The following FHIT variants were observed in gnomAD, a reference collection of about 807,000 sequenced individuals.
FHIT encodes the protein bis(5'-adenosyl)-triphosphatase.
Under a neutral mutation model 17.9 loss-of-function variants are expected in FHIT, and 19 were observed. The observed-to-expected ratio is 1.06, with a 90% CI of 0.74 to 1.56. FHIT has a LOEUF of 1.56. Ranked by LOEUF, FHIT falls within the 40% of genes most tolerant of loss-of-function variation. The probability of loss-of-function intolerance (pLI) is 0.00; values close to 1 mark genes in which losing one functional copy is unlikely to be tolerated. For missense variants in FHIT, 248 were observed against 189.2 expected (o/e 1.31, Z -1.82); for synonymous variants, 81 against 69.7 (o/e 1.16, Z -0.81).
At chr3:60,585,818 T>C (rs571579096) in intron 4 of FHIT, among the ~76,000 whole-genome samples, 1 of 152,104 alleles carries the variant, frequency 6.6e-6, no homozygotes, top group South Asian at 2.1e-4. Flanking sequence ...GAAACACTAT[T>C]ATAGGCATTA....
At chr3:60,598,491 A>C (rs2038341341) in intron 4 of FHIT, among the ~76,000 whole-genome samples, 1 of 152,168 alleles carries the variant, frequency 6.6e-6, no homozygotes, top group Non-Finnish European at 1.5e-5. Context: ...AGATAATTCC[A>C]CTGGGCAACA....
At chr3:60,363,755 C>CCCCCCTGG in intron 5 of FHIT, among the ~76,000 whole-genome samples, 1 of 152,100 alleles carries the variant, frequency 6.6e-6, no homozygotes, top group Non-Finnish European at 1.5e-5. Flanking sequence ...GCTTCCCTGG[C>CCCCCCTGG]CCCCCTGGCC....
intron 3 of FHIT, among the ~76,000 whole-genome samples, chr3:60,899,551 G>T (rs1705996904): frequency 6.6e-6 from 1 of 152,168 alleles, no homozygotes. Flanking sequence ...GGTAAAGGCT[G>T]CTCAGCAAAT....
intron 7 of FHIT, among the ~76,000 whole-genome samples, chr3:59,994,233 T>G (rs1355282334): frequency 6.6e-6 from 1 of 152,066 alleles, no homozygotes; most frequent in Non-Finnish European, 1.5e-5. Context: ...CTGCAAAATA[T>G]TAAGCCACTG....
intron 7 of FHIT, among the ~76,000 whole-genome samples, chr3:59,961,372 G>C (rs1466416334): frequency 6.6e-6 from 1 of 151,934 alleles, no homozygotes; most frequent in African/African-American, 2.4e-5. Flanking sequence ...ACTAACACCT[G>C]GTTCCATAAG....
intron 5 of FHIT, among the ~76,000 whole-genome samples, chr3:60,286,172 T>C (rs997262978): frequency 1.3e-5 from 2 of 152,190 alleles, no homozygotes; most frequent in Non-Finnish European, 2.9e-5. Context: ...CACCTCCTGA[T>C]AGTGTATGAC....
At chr3:60,735,491 T>G (rs914067298) in intron 4 of FHIT, among the ~76,000 whole-genome samples, 1 of 152,192 alleles carries the variant, frequency 6.6e-6, no homozygotes. Context: ...ATTTGAGAAC[T>G]ACTGAAGGAA....
At chr3:60,652,659 C>A (rs781923264) in intron 4 of FHIT, among the ~76,000 whole-genome samples, 4 of 138,164 alleles carry the variant, frequency 2.9e-5, no homozygotes, top group Non-Finnish European at 6.1e-5. Flanking sequence ...AACCCGGGAG[C>A]GGAGCTTGCA....
chr3:59,752,312 G>A lies in FHIT; in HGVS notation c.358C>T (p.His120Tyr), dbSNP rs201310197. Reference sequence around the variant, plus strand: ...GAGGCAGGAAAGTCCTCCTTGTCATGTTTCTGGAGCTTTGGAGAAAAAAAA... The same window carrying A: ...GAGGCAGGAAAGTCCTCCTTGTCATATTTCTGGAGCTTTGGAGAAAAAAAA... ...NDSIYEELQK[H>Y]DKEDFPASWR... Residue 120 changes from histidine (H) to tyrosine (Y), a missense_variant, in exon 9 of 10, where the codon CAT (histidine) becomes TAT (tyrosine). By Grantham distance (83) the His-to-Tyr change is moderately conservative. Coordinates refer to ENST00000492590, the MANE Select transcript of FHIT (RefSeq NM_002012.4). The A allele has an allele frequency of 8.1e-6, 13 of 1,610,832 alleles. No homozygotes were observed. Among genetic ancestry groups the A allele is most frequent in the Middle Eastern group, 3.3e-4 (2 of 6,044 alleles).
chr3:60,875,778 G>C lies in FHIT; in HGVS notation c.-110-53767C>G, dbSNP rs375791502. Among the ~76,000 whole-genome samples, 30 of 152,112 alleles carry C rather than the reference G, an allele frequency of 2.0e-4. No individual in the cohort carries two copies. In the South Asian group the frequency reaches 6.2e-3, roughly 32 times the overall value. ...TCATTATCTCTACTTTATAGGTGAG[G>C]AAACTGAGACTTAGAGAAGTTAAGC... On this transcript the variant is annotated intron_variant, in intron 3 of 9. Transcript: ENST00000492590.
At chr3:60,657,903 G>A (rs562035938) in intron 4 of FHIT, among the ~76,000 whole-genome samples, 19 of 152,114 alleles carry the variant, frequency 1.2e-4, no homozygotes, top group African/African-American at 4.1e-4. Flanking sequence ...AGCATTTGGC[G>A]TTATTATTAT....
At chr3:60,541,068 A>G (rs960346571) in intron 4 of FHIT, among the ~76,000 whole-genome samples, 5 of 152,202 alleles carry the variant, frequency 3.3e-5, no homozygotes, top group Admixed American at 6.5e-5. Flanking sequence ...ACCAAACCCA[A>G]CTATCCTCCC....
At chr3:61,140,763 C>G (rs2037058122) in intron 2 of FHIT, among the ~76,000 whole-genome samples, 2 of 152,106 alleles carry the variant, frequency 1.3e-5, no homozygotes, top group African/African-American at 2.4e-5. Flanking sequence ...TTTAAACATA[C>G]ATAGCATACC....
rs1440588654 is a variant in FHIT at position 60,062,338 on chromosome 3, A to G, written c.104-48186T>C. On this transcript the variant is annotated intron_variant, in intron 5 of 9. Transcript: ENST00000492590. ...AAGAAAACACACAGCTCAGGATTCA[A>G]TGATAATGACAATGAGGGTGGTTGA... Among the ~76,000 whole-genome samples the G allele has an allele frequency of 6.6e-5, 10 of 152,174 alleles. No individual in the cohort carries two copies. In the East Asian group the frequency reaches 1.9e-3, roughly 29 times the overall value.
rs138351397 is a variant in FHIT at position 59,876,631 on chromosome 3, G to A, written c.348+45715C>T. ...AAGCCCCTGCTACAGGGTAACACAG[G>A]TGAAGGTCAAAATGACTAGTAGAGA... On this transcript the variant is annotated intron_variant, in intron 8 of 9. Transcript: ENST00000492590. Among the ~76,000 whole-genome samples, 231 of 152,332 alleles carry A rather than the reference G, an allele frequency of 1.5e-3. 2 individuals carry two copies. In the East Asian group the frequency reaches 0.042, roughly 27 times the overall value.
chr3:60,873,417 TC>T (rs1704502328), intron 3 of FHIT, among the ~76,000 whole-genome samples: 1 of 152,210 alleles, frequency 6.6e-6, no homozygotes, highest in Non-Finnish European at 1.5e-5. Flanking sequence ...CTCAGCGCCG[TC>T]CCAGGGAGCT....
chr3:60,355,146 T>G (rs998235033), intron 5 of FHIT, among the ~76,000 whole-genome samples: 2 of 152,192 alleles, frequency 1.3e-5, no homozygotes, highest in African/African-American at 4.8e-5. Flanking sequence ...AATAAATGTT[T>G]TTTGTTCTCA....
intron 5 of FHIT, among the ~76,000 whole-genome samples, chr3:60,396,610 G>C (rs1207087170): frequency 6.6e-6 from 1 of 152,130 alleles, no homozygotes; most frequent in African/African-American, 2.4e-5. Flanking sequence ...CATGGAGATA[G>C]AACACAGATT....
intron 5 of FHIT, among the ~76,000 whole-genome samples, chr3:60,124,380 A>G (rs76363204): frequency 0.029 from 4,356 of 152,040 alleles, 214 homozygotes; most frequent in African/African-American, 0.098. Context: ...TAAAATGTCT[A>G]TCTTTCAAAA....
Sources: gnomAD v4.1 joint callset for allele counts (sites outside exome capture counted in the v4.1 genomes callset) on GRCh38, gnomAD v4.1.1 for gene constraint, MANE v1.5 for transcripts, NCBI Gene and HGNC (gene_info 2026-07-23, HGNC 2026-07-21) for gene names.